Variants in ATAD2B observed in about 807,000 individuals in gnomAD.
ATAD2B encodes ATPase family AAA domain-containing protein 2B.
A neutral mutation model predicts 167.6 loss-of-function variants in ATAD2B; 40 were observed. The ratio of observed to expected loss-of-function variants is 0.24; its 90% CI spans 0.19 to 0.31. The LOEUF (loss-of-function observed/expected upper bound fraction) is 0.31. Ranked by LOEUF, ATAD2B falls within the 10% of genes least tolerant of loss-of-function variation. The probability of loss-of-function intolerance (pLI) is 1.00; values close to 1 mark genes in which losing one functional copy is unlikely to be tolerated. For synonymous variants in ATAD2B, 579 were observed against 596.5 expected (o/e 0.97, Z 0.43); for missense variants, 1,242 against 1,757.2 (o/e 0.71, Z 5.24).
At chr2:23,813,956 A>C (rs944133987) in intron 17 of ATAD2B, among the ~76,000 whole-genome samples, 4 of 152,168 alleles carry the variant, frequency 2.6e-5, no homozygotes, top group Non-Finnish European at 4.4e-5. Context: ...AAATGGCATA[A>C]AGAATTTGCT....
At chr2:23,798,645 C>T (rs1308618907) in intron 18 of ATAD2B, among the ~76,000 whole-genome samples, 1 of 151,978 alleles carries the variant, frequency 6.6e-6, no homozygotes, top group Non-Finnish European at 1.5e-5. Context: ...AAGCAAAACA[C>T]CACTGTAAAA....
At chr2:23,755,095 T>C (rs1389530352) in intron 25 of ATAD2B, 1 of 163,304 alleles carries the variant, frequency 6.1e-6, no homozygotes, top group African/African-American at 2.4e-5. Context: ...CTTCACTCTA[T>C]GACAGCTACC....
At chr2:23,919,323 G>A (rs926602431) in intron 1 of ATAD2B, among the ~76,000 whole-genome samples, 5 of 151,658 alleles carry the variant, frequency 3.3e-5, no homozygotes, top group African/African-American at 1.2e-4. Context: ...GGGGTGGGTG[G>A]ACTGCTTAAG....
intron 22 of ATAD2B, among the ~76,000 whole-genome samples, chr2:23,780,535 G>A (rs1003469531): frequency 2.6e-5 from 4 of 152,118 alleles, no homozygotes; most frequent in African/African-American, 9.7e-5. Context: ...AATTTCATGT[G>A]AAATTGAGAA....
the ATAD2B span, among the ~76,000 whole-genome samples, chr2:23,706,248 G>A: frequency 6.6e-6 from 1 of 152,146 alleles, no homozygotes; most frequent in African/African-American, 2.4e-5. Context: ...GGGCAGGGAG[G>A]GAGCGCCTTC....
intron 1 of ATAD2B, among the ~76,000 whole-genome samples, chr2:23,922,378 C>CA (rs1426321506): frequency 6.2e-5 from 9 of 145,754 alleles, no homozygotes; most frequent in South Asian, 2.3e-4. Flanking sequence ...AAGCTTGGAG[C>CA]AAAACAAAAG....
the ATAD2B span, among the ~76,000 whole-genome samples, chr2:23,739,033 C>T: frequency 1.4e-4 from 22 of 152,296 alleles, no homozygotes; most frequent in Non-Finnish European, 2.5e-4. Context: ...AATACAGGAG[C>T]ACCCAGATTC....
intron 15 of ATAD2B, among the ~76,000 whole-genome samples, chr2:23,826,069 T>A (rs1688206181): frequency 6.6e-6 from 1 of 152,122 alleles, no homozygotes; most frequent in Non-Finnish European, 1.5e-5. Flanking sequence ...ACCTTGATTA[T>A]CCATCTGAAT....
At chr2:23,752,705 C>T (rs888540553) in intron 27 of ATAD2B, among the ~76,000 whole-genome samples, 1 of 152,008 alleles carries the variant, frequency 6.6e-6, no homozygotes, top group Non-Finnish European at 1.5e-5. Context: ...ATTTCACTAA[C>T]TCCCAAAGCA....
At chr2:23,869,819 C>G (rs973829084) in intron 8 of ATAD2B, 58 bp from the exon 9 acceptor site, 4 of 1,111,496 alleles carry the variant, frequency 3.6e-6, no homozygotes, top group Non-Finnish European at 5.2e-6. Flanking sequence ...CTTTTTAAAA[C>G]ACACTGTAAT....
intron 17 of ATAD2B, among the ~76,000 whole-genome samples, chr2:23,812,513 T>A (rs987281314): frequency 2.6e-5 from 4 of 152,146 alleles, no homozygotes; most frequent in Admixed American, 2.6e-4. Flanking sequence ...AGTTTCAACT[T>A]ACTCACAACT....
chr2:23,880,693 G>A lies in ATAD2B; in HGVS notation c.847C>T (p.Pro283Ser). ...EEAEGEENDR[P>S]YNLRQRKTVD... ...GTTTTTCTCTGTCTCAAATTATATG[G>A]TCTATCATTTTCTTCTCCTTCTGCC... Residue 283 changes from proline to serine, a missense_variant, in exon 7 of 28, where the codon CCA becomes TCA. Coordinates refer to ENST00000238789, the MANE Select transcript of ATAD2B (RefSeq NM_017552.4). 1 of 1,610,378 alleles carries A rather than the reference G, an allele frequency of 6.2e-7. No homozygotes were observed. Among genetic ancestry groups the A allele is most frequent in the Non-Finnish European group, 8.5e-7 (1 of 1,178,056 alleles).
the ATAD2B span, among the ~76,000 whole-genome samples, chr2:23,700,509 C>T: frequency 6.6e-6 from 1 of 152,172 alleles, no homozygotes; most frequent in Non-Finnish European, 1.5e-5. This position sits in a 1 kb window ranked among gnomAD's most constrained non-coding sequence, Gnocchi z 4.6. Flanking sequence ...TGTTCAGCAA[C>T]ATCCCTATGG....
the ATAD2B span, among the ~76,000 whole-genome samples, chr2:23,699,975 G>C: frequency 5.9e-5 from 9 of 152,164 alleles, no homozygotes; most frequent in Non-Finnish European, 1.2e-4. Context: ...TCAAGAACTT[G>C]CTCACCTTCC....
chr2:23,865,771 T>C (rs1426863897), intron 10 of ATAD2B: 1 of 152,410 alleles, frequency 6.6e-6, no homozygotes, highest in Admixed American at 6.6e-5. Context: ...TTTTTCTTTA[T>C]GGGACAATGA....
At chr2:23,780,267 TTGTG>T (rs67788174) in intron 22 of ATAD2B, among the ~76,000 whole-genome samples, 67,126 of 143,836 alleles carry the variant, frequency 0.47, 16,454 homozygotes, top group East Asian at 0.73. Flanking sequence ...AAGTATATAC[TTGTG>T]TGTGTGTGTG....
chr2:23,917,939 T>C (rs1192337035), intron 1 of ATAD2B, among the ~76,000 whole-genome samples: 1 of 151,704 alleles, frequency 6.6e-6, no homozygotes, highest in Non-Finnish European at 1.5e-5. Flanking sequence ...AAGCCTGTAA[T>C]CGCAGCTACT....
At chr2:23,795,259 C>T (rs1375152881) in intron 19 of ATAD2B, among the ~76,000 whole-genome samples, 1 of 152,038 alleles carries the variant, frequency 6.6e-6, no homozygotes, top group African/African-American at 2.4e-5. Context: ...TTATAAACAC[C>T]ATACACATTG....
the ATAD2B span, among the ~76,000 whole-genome samples, chr2:23,699,623 CT>C: frequency 6.6e-6 from 1 of 152,176 alleles, no homozygotes; most frequent in Non-Finnish European, 1.5e-5. Context: ...TCACTTCATC[CT>C]TTTCCTCTGC....
Sources: allele counts gnomAD v4.1 joint callset (sites outside exome capture counted in the v4.1 genomes callset), GRCh38; gene constraint gnomAD v4.1.1; non-coding constraint Gnocchi (gnomAD v3.1); transcripts MANE v1.5; gene names NCBI Gene and HGNC (gene_info 2026-07-23, HGNC 2026-07-21).